The following MYO5A variants were observed in gnomAD, a reference collection of about 807,000 sequenced individuals.
MYO5A encodes the protein unconventional myosin-Va.
MYO5A carries 98 observed loss-of-function variants against 249.7 expected under a neutral mutation model. That is an observed-to-expected ratio of 0.39 (90% CI 0.33 to 0.46). The LOEUF (loss-of-function observed/expected upper bound fraction) is 0.46. MYO5A is among the 20% of genes least tolerant of loss of function. The pLI, the probability that MYO5A is intolerant of heterozygous loss-of-function variation, is 0.98. For missense variants in MYO5A, 1,696 were observed against 2,308.8 expected (o/e 0.73, Z 5.44); for synonymous variants, 778 against 810.6 (o/e 0.96, Z 0.68).
chr15:52,357,514 A>G (rs1171711467), intron 25 of MYO5A, among the ~76,000 whole-genome samples: 1 of 152,080 alleles, frequency 6.6e-6, no homozygotes, highest in Non-Finnish European at 1.5e-5. Context: ...CTAATACTAT[A>G]TAAACAACTA....
chr15:52,465,309 C>T (rs897965541), intron 1 of MYO5A, among the ~76,000 whole-genome samples: 1 of 152,062 alleles, frequency 6.6e-6, no homozygotes, highest in African/African-American at 2.4e-5. Context: ...TATCCTTGCC[C>T]CTTTTATTAA....
At chr15:52,382,954 TCC>T (rs2041818543) in intron 16 of MYO5A, 135 bp downstream of exon 16, 2 of 741,958 alleles carry the variant, frequency 2.7e-6, no homozygotes, top group East Asian at 5.3e-5. Flanking sequence ...ACTAGTGGTT[TCC>T]CTCTACAAGG....
chr15:52,524,882 A>AT (rs1175627299), intron 1 of MYO5A, among the ~76,000 whole-genome samples: 1 of 114,608 alleles, frequency 8.7e-6, no homozygotes, highest in African/African-American at 3.0e-5. Context: ...AAAATAAAAA[A>AT]TTAAAAAAAA....
At chr15:52,514,751 CT>C (rs937462185) in intron 1 of MYO5A, among the ~76,000 whole-genome samples, 3 of 152,278 alleles carry the variant, frequency 2.0e-5, no homozygotes, top group Admixed American at 1.3e-4. Flanking sequence ...AGAATCTTCC[CT>C]TTAACAAGAT....
intron 1 of MYO5A, among the ~76,000 whole-genome samples, chr15:52,482,010 T>C (rs1334332941): frequency 1.3e-5 from 2 of 152,200 alleles, no homozygotes; most frequent in African/African-American, 4.8e-5. Flanking sequence ...AGAACTTGGC[T>C]CACTCAGCAT....
intron 1 of MYO5A, among the ~76,000 whole-genome samples, chr15:52,514,998 C>T (rs867674324): frequency 6.6e-6 from 1 of 152,306 alleles, no homozygotes; most frequent in Middle Eastern, 3.4e-3. Context: ...AGGGACCAAG[C>T]TGAGTATGGT....
Position 52,354,810 on chromosome 15 carries a change from C to T in MYO5A, c.3424-796G>A, listed in dbSNP as rs563366596. ...TGGAGGTTGCAGTGAGCTGAGATTGCGCCACTGCACTCCAGCTGGGGCAGC... is the reference window on the plus strand; with the variant it reads ...TGGAGGTTGCAGTGAGCTGAGATTGTGCCACTGCACTCCAGCTGGGGCAGC... On this transcript the variant is annotated intron_variant, in intron 25 of 41. Coordinates refer to ENST00000399233, the MANE Select transcript of MYO5A (RefSeq NM_001382347.1). Among the ~76,000 whole-genome samples, 176 of 150,824 alleles carry T rather than the reference C, an allele frequency of 1.2e-3. 1 individual carries two copies. The highest frequency in any genetic ancestry group is 2.5e-3 in the South Asian group (12 of 4,790).
At position 52,416,134 on chromosome 15, in the gene MYO5A, C is replaced by A; in HGVS notation, c.612+11G>T. 6.2e-7 allele frequency: 1 copy of A among 1,613,722 alleles called. No individual in the cohort carries two copies. The highest frequency in any genetic ancestry group is 1.3e-5 in the African/African-American group (1 of 75,006). ...GAATATAGGAAGAAAGCCGAAGACT[C>A]GCTGTCTTACCTCCATGATGGGGTT... is the stretch of plus-strand genomic sequence containing the variant. On this transcript the variant is annotated intron_variant, in intron 5 of 41. Coordinates refer to ENST00000399233, the MANE Select transcript of MYO5A (RefSeq NM_001382347.1).
At chr15:52,447,901 TAAG>T (rs1263345749) in intron 1 of MYO5A, among the ~76,000 whole-genome samples, 1 of 152,204 alleles carries the variant, frequency 6.6e-6, no homozygotes, top group East Asian at 1.9e-4. Flanking sequence ...TGGCTAGATT[TAAG>T]AAGATGTACG....
intron 9 of MYO5A, among the ~76,000 whole-genome samples, chr15:52,398,115 T>C (rs2042569936): frequency 6.6e-6 from 1 of 152,138 alleles, no homozygotes. Context: ...AGGGAGAAAA[T>C]GTGAGTTGAA....
chr15:52,510,591 A>G (rs921802113), intron 1 of MYO5A, among the ~76,000 whole-genome samples: 43 of 152,216 alleles, frequency 2.8e-4, no homozygotes, highest in African/African-American at 9.6e-4. Flanking sequence ...CAGCAGTGGC[A>G]TTAGATTCTC....
intron 11 of MYO5A, among the ~76,000 whole-genome samples, chr15:52,393,673 G>A (rs1230855904): frequency 6.6e-6 from 1 of 152,326 alleles, no homozygotes; most frequent in East Asian, 1.9e-4. Flanking sequence ...AATTACAGGC[G>A]TGAGCCACCG....
chr15:52,430,396 G>A (rs555758461), intron 2 of MYO5A, among the ~76,000 whole-genome samples: 2 of 152,318 alleles, frequency 1.3e-5, no homozygotes, highest in African/African-American at 4.8e-5. Flanking sequence ...TTGAAAGGTA[G>A]AGAAGATCTG....
rs1311374707 is a variant in MYO5A, at chr15:52,335,530, A to G, written c.4408+933T>C. On this transcript the variant is annotated intron_variant, in intron 34 of 41. Transcript: ENST00000399233. ...GACTCTGTCTCCAAAAAAAAAAAAA[A>G]AAAAAAAAAAAGGAGTTTGGCTTTA... Among the ~76,000 whole-genome samples, 12 of 151,178 alleles carry G rather than the reference A, an allele frequency of 7.9e-5. No homozygotes were observed. The East Asian group carries it at 1.6e-3, about 20-fold the overall frequency.
Position 52,528,813 on chromosome 15 carries a change from C to G in MYO5A, c.-7G>C. ...AGAGCTCCGACGCAGCCATGGCGGGCCCCGCGCGCCTACGCCCCCCGCCTG... is the reference window on the plus strand; with the variant it reads ...AGAGCTCCGACGCAGCCATGGCGGGGCCCGCGCGCCTACGCCCCCCGCCTG... On this transcript the variant is annotated 5_prime_UTR_variant, in exon 1 of 42. Coordinates refer to ENST00000399233, the MANE Select transcript of MYO5A (RefSeq NM_001382347.1). 1 of 1,487,832 alleles carries G rather than the reference C, an allele frequency of 6.7e-7. No homozygotes were observed. Among genetic ancestry groups the G allele is most frequent in the Non-Finnish European group, 8.9e-7 (1 of 1,125,160 alleles). 92.2% of individuals were successfully genotyped at this position (1,487,832 alleles called of 1,614,324 possible).
intron 1 of MYO5A, among the ~76,000 whole-genome samples, chr15:52,513,420 A>G (rs1280269012): frequency 7.1e-6 from 1 of 140,676 alleles, no homozygotes; most frequent in Non-Finnish European, 1.6e-5. Context: ...AACAAGAGCA[A>G]AACTCCATCT....
At chr15:52,350,200 G>A (rs1455274310) in intron 28 of MYO5A, among the ~76,000 whole-genome samples, 1 of 152,202 alleles carries the variant, frequency 6.6e-6, no homozygotes, top group Non-Finnish European at 1.5e-5. Context: ...CCAAAGTGTT[G>A]AGATTACAGG....
chr15:52,349,216 A>G (rs1244067977), intron 28 of MYO5A, among the ~76,000 whole-genome samples: 2 of 152,220 alleles, frequency 1.3e-5, no homozygotes, highest in Non-Finnish European at 2.9e-5. Context: ...GTCCAAGGGA[A>G]GATTCCCAGA....
chr15:52,471,842 G>A (rs1282216276), intron 1 of MYO5A, among the ~76,000 whole-genome samples: 1 of 151,990 alleles, frequency 6.6e-6, no homozygotes, highest in African/African-American at 2.4e-5. Flanking sequence ...AGAACTACAA[G>A]TACACACCAC....
Sources: gnomAD v4.1 joint callset for allele counts (sites outside exome capture counted in the v4.1 genomes callset) on GRCh38, gnomAD v4.1.1 for gene constraint, MANE v1.5 for transcripts, NCBI Gene and HGNC (gene_info 2026-07-23, HGNC 2026-07-21) for gene names.